Variants in FAM241A observed in about 807,000 individuals in gnomAD.
FAM241A encodes family with sequence similarity 241 member A.
A neutral mutation model predicts 12.2 loss-of-function variants in FAM241A; 7 were observed. That is an observed-to-expected ratio of 0.58 (90% CI 0.33 to 1.08). The LOEUF is 1.08. Ranked by LOEUF, FAM241A falls within the 50% of genes least tolerant of loss-of-function variation. FAM241A has a pLI of 0.04. For synonymous variants in FAM241A, 74 were observed against 68.2 expected (o/e 1.08, Z -0.42); for missense variants, 161 against 169.7 (o/e 0.95, Z 0.29).
chr4:112,176,095 A>G (rs990554182), intron 1 of FAM241A, among the ~76,000 whole-genome samples: 1 of 152,232 alleles, frequency 6.6e-6, no homozygotes, highest in East Asian at 1.9e-4. Context: ...AACAGGTTCT[A>G]CCAATATTAA....
At position 112,184,741 on chromosome 4, in the gene FAM241A, C is replaced by T. The variant is rs879696170; in HGVS notation, c.154-1952C>T. 7.2e-5 allele frequency among the ~76,000 whole-genome samples: 11 copies of T among 152,002 alleles called. 1 individual carries two copies. Among genetic ancestry groups the T allele is most frequent in the Non-Finnish European group, 1.6e-4 (11 of 67,996 alleles). ...ATTTTGTCTGATTTTCTATTTTAAA[C>T]AAAAGTTAGATTTTTTTTCACTCTT... On this transcript the variant is annotated intron_variant, in intron 1 of 1. Coordinates refer to ENST00000309733, the MANE Select transcript of FAM241A (RefSeq NM_152400.3).
intron 1 of FAM241A, among the ~76,000 whole-genome samples, chr4:112,153,281 C>G (rs981419181): frequency 6.6e-6 from 1 of 152,176 alleles, no homozygotes; most frequent in African/African-American, 2.4e-5. Context: ...AAACTATTCT[C>G]AGTTTCCTAT....
chr4:112,161,548 T>A (rs1239595248), intron 1 of FAM241A, among the ~76,000 whole-genome samples: 2 of 152,006 alleles, frequency 1.3e-5, no homozygotes, highest in Non-Finnish European at 2.9e-5. Context: ...GCAAGTAAAC[T>A]AGAAAATCTA....
At chr4:112,180,539 AGGT>A (rs1313874802) in intron 1 of FAM241A, among the ~76,000 whole-genome samples, 1 of 152,302 alleles carries the variant, frequency 6.6e-6, no homozygotes, top group Non-Finnish European at 1.5e-5. Flanking sequence ...GTTTCTCAAA[AGGT>A]GGCGAAAAGC....
chr4:112,153,641 C>G (rs1207606358), intron 1 of FAM241A, among the ~76,000 whole-genome samples: 1 of 152,132 alleles, frequency 6.6e-6, no homozygotes, highest in Non-Finnish European at 1.5e-5. Flanking sequence ...TCTTTTTCCC[C>G]ATACCCAGTG....
chr4:112,177,760 T>G (rs912534950), intron 1 of FAM241A, among the ~76,000 whole-genome samples: 1 of 152,174 alleles, frequency 6.6e-6, no homozygotes. Flanking sequence ...GTGTCTGCTC[T>G]TAAAACGCAG....
At chr4:112,166,032 A>ACTAT (rs956284639) in intron 1 of FAM241A, among the ~76,000 whole-genome samples, 2 of 150,746 alleles carry the variant, frequency 1.3e-5, no homozygotes, top group African/African-American at 4.9e-5. Context: ...ATAGACACCT[A>ACTAT]CTATGTACTC....
At chr4:112,174,806 A>G (rs1723787951) in intron 1 of FAM241A, among the ~76,000 whole-genome samples, 1 of 152,230 alleles carries the variant, frequency 6.6e-6, no homozygotes, top group African/African-American at 2.4e-5. Flanking sequence ...AACACAGGAC[A>G]ATAGCCTCAA....
intron 1 of FAM241A, among the ~76,000 whole-genome samples, chr4:112,162,154 G>A (rs1211699367): frequency 2.6e-5 from 4 of 152,258 alleles, no homozygotes; most frequent in South Asian, 2.1e-4. Flanking sequence ...TTGATGGGAC[G>A]TATCTCACAA....
At chr4:112,165,254 C>T (rs537479516) in intron 1 of FAM241A, among the ~76,000 whole-genome samples, 33 of 152,250 alleles carry the variant, frequency 2.2e-4, no homozygotes, top group African/African-American at 7.9e-4. Flanking sequence ...CAGGCAATGA[C>T]AAATACTAGT....
At chr4:112,177,255 C>T (rs1455525782) in intron 1 of FAM241A, among the ~76,000 whole-genome samples, 2 of 150,866 alleles carry the variant, frequency 1.3e-5, no homozygotes, top group Non-Finnish European at 2.9e-5. Flanking sequence ...TAGTGATACT[C>T]ATTTTGCTGT....
At position 112,186,759 on chromosome 4, in the gene FAM241A, C is replaced by G. The variant is rs1348705660; in HGVS notation, c.220C>G (p.Leu74Val). 6.2e-7 allele frequency: 1 copy of G among 1,613,196 alleles called. No individual in the cohort carries two copies. The highest frequency in any genetic ancestry group is 2.2e-5 in the East Asian group (1 of 44,858). Residue 74 changes from leucine to valine, a missense_variant, in exon 2 of 2, where the codon CTT (leucine) becomes GTT (valine). Leu to Val is a conservative substitution (Grantham distance 32). Transcript: ENST00000309733. ...VGDDYKKMGT[L>V]FGELNKNLIN... ...AGATGACTACAAGAAAATGGGAACA[C>G]TTTTTGGTGAACTGAACAAAAACCT... is the stretch of plus-strand genomic sequence containing the variant.
intron 1 of FAM241A, among the ~76,000 whole-genome samples, chr4:112,163,265 T>C (rs1373704689): frequency 1.3e-5 from 2 of 152,184 alleles, no homozygotes; most frequent in Non-Finnish European, 2.9e-5. Flanking sequence ...ACTTCATGAC[T>C]AAAACACCAG....
intron 1 of FAM241A, among the ~76,000 whole-genome samples, chr4:112,180,946 C>T (rs986196529): frequency 1.3e-5 from 2 of 152,158 alleles, no homozygotes; most frequent in Non-Finnish European, 1.5e-5. Flanking sequence ...TACAAGTTCT[C>T]TTTACTTGAG....
chr4:112,181,146 T>G (rs1723934865), intron 1 of FAM241A, among the ~76,000 whole-genome samples: 1 of 152,142 alleles, frequency 6.6e-6, no homozygotes, highest in Non-Finnish European at 1.5e-5. Flanking sequence ...GTAGGTAGAA[T>G]TCACTTCACC....
chr4:112,168,377 G>T (rs1014538072), intron 1 of FAM241A, among the ~76,000 whole-genome samples: 2 of 152,018 alleles, frequency 1.3e-5, no homozygotes, highest in African/African-American at 4.8e-5. Context: ...CATAAGAATG[G>T]TACAGCAGTG....
In FAM241A at chr4:112,171,489, G is replaced by A. The variant is rs1453287188; in HGVS notation, c.154-15204G>A. On this transcript the variant is annotated intron_variant, in intron 1 of 1. Transcript: ENST00000309733. ...TAAAAGATGCAAGCATTTTGAACTG[G>A]GAGGAGATAAGGAAAGAAAGGCCCA... 3.9e-6 allele frequency: 3 copies of A among 777,696 alleles called. No homozygotes were observed. The Admixed American group carries it at 5.1e-5, about 13-fold the overall frequency. The allele number at this position is 777,696 out of a possible 1,614,324, so 48.2% of individuals were successfully genotyped here. A position where few individuals can be genotyped will look rare whatever the true frequency, so the allele number is the denominator to read the frequency against.
At chr4:112,164,212 G>C in intron 1 of FAM241A, among the ~76,000 whole-genome samples, 1 of 145,900 alleles carries the variant, frequency 6.9e-6, no homozygotes, top group Middle Eastern at 4.0e-3. Context: ...ATGTATACAT[G>C]TGTAACAAAC....
intron 1 of FAM241A, among the ~76,000 whole-genome samples, chr4:112,172,503 T>G (rs537774282): frequency 6.8e-4 from 104 of 152,250 alleles, no homozygotes; most frequent in Non-Finnish European, 1.3e-3. Flanking sequence ...AAACATCATT[T>G]AAATATTTGA....
Sources: gnomAD v4.1 joint callset for allele counts (sites outside exome capture counted in the v4.1 genomes callset) on GRCh38, gnomAD v4.1.1 for gene constraint, MANE v1.5 for transcripts, NCBI Gene and HGNC (gene_info 2026-07-23, HGNC 2026-07-21) for gene names.